TNFRSF21: variants seen among roughly 807,000 people sequenced by gnomAD.
TNFRSF21 encodes the protein tumor necrosis factor receptor superfamily member 21.
TNFRSF21 carries 19 observed loss-of-function variants against 45.6 expected under a neutral mutation model. The ratio of observed to expected loss-of-function variants is 0.42; its 90% CI spans 0.29 to 0.61. The LOEUF (loss-of-function observed/expected upper bound fraction) is 0.61, where lower values mean the gene tolerates loss of function less well. TNFRSF21 is among the 20% of genes least tolerant of loss of function. The pLI is 0.23. For missense variants in TNFRSF21, 737 were observed against 851.5 expected, an observed-to-expected ratio of 0.87 and a Z score of 1.67; for synonymous variants, 314 against 335.5, an observed-to-expected ratio of 0.94 and a Z score of 0.70.
intron 1 of TNFRSF21, among the ~76,000 whole-genome samples, chr6:47,289,579 T>C (rs1425418650): frequency 6.6e-6 from 1 of 152,194 alleles, no homozygotes. Context: ...CCTTATCCCT[T>C]CTGACTTTAC....
chr6:47,238,774 AC>A (rs1764701902), intron 4 of TNFRSF21, among the ~76,000 whole-genome samples: 1 of 152,218 alleles, frequency 6.6e-6, no homozygotes, highest in Non-Finnish European at 1.5e-5. Context: ...TAAACAGACT[AC>A]TGCTTTGGGA....
rs199995846 is a variant in TNFRSF21, at chr6:47,283,906, C to T, written c.1243+32G>A. ...ACTAGGGAAAAAGTGGTAGAGAGAT[C>T]TGTGAGCAAGGAGAGAAGAGAGAAG... On this transcript the variant is annotated intron_variant, in intron 3 of 5. Coordinates refer to ENST00000296861, the MANE Select transcript of TNFRSF21 (RefSeq NM_014452.5). The T allele has an allele frequency of 2.7e-4, 425 of 1,590,110 alleles. 4 individuals are homozygous for T. In the South Asian group the frequency reaches 4.7e-3, roughly 18 times the overall value.
At chr6:47,299,276 A>G (rs1424287454) in intron 1 of TNFRSF21, among the ~76,000 whole-genome samples, 1 of 152,164 alleles carries the variant, frequency 6.6e-6, no homozygotes, top group Non-Finnish European at 1.5e-5. Context: ...GGATCACTTG[A>G]GGTCAGGAGT....
intron 3 of TNFRSF21, among the ~76,000 whole-genome samples, chr6:47,272,766 T>A (rs927328226): frequency 6.6e-6 from 1 of 151,894 alleles, no homozygotes; most frequent in Non-Finnish European, 1.5e-5. Context: ...GGTAGACCAT[T>A]AGCAAGACTA....
At chr6:47,285,911 T>G in intron 2 of TNFRSF21, 33 bp downstream of exon 2, 1 of 1,602,214 alleles carries the variant, frequency 6.2e-7, no homozygotes, top group Non-Finnish European at 8.5e-7. Flanking sequence ...CTCAAAGCCT[T>G]CCTCAAATAA....
At chr6:47,298,670 G>A (rs944973946) in intron 1 of TNFRSF21, among the ~76,000 whole-genome samples, 2 of 152,152 alleles carry the variant, frequency 1.3e-5, no homozygotes, top group Admixed American at 6.5e-5. Context: ...CAACCTCTTA[G>A]GTATTGCCTA....
rs191971940 is a variant in TNFRSF21, at chr6:47,232,525, G to A, written c.*240C>T. The A allele has an allele frequency of 4.6e-4, 224 of 484,866 alleles. 4 individuals are homozygous for A. The East Asian group carries it at 7.6e-3, about 16-fold the overall frequency. The allele number at this position is 484,866 out of a possible 1,614,324, so 30.0% of individuals were successfully genotyped here. ...TGGGTATTTCACAACAGTTACACCT[G>A]GCAAAGGCTTATAAACCAACTTCCC... On this transcript the variant is annotated 3_prime_UTR_variant, in exon 6 of 6. Coordinates refer to ENST00000296861, the MANE Select transcript of TNFRSF21 (RefSeq NM_014452.5).
At chr6:47,308,520 AGGG>A (rs1418613471) in intron 1 of TNFRSF21, among the ~76,000 whole-genome samples, 2 of 152,180 alleles carry the variant, frequency 1.3e-5, no homozygotes, top group African/African-American at 2.4e-5. Context: ...AAATAAAGGG[AGGG>A]AATTTGGGGG....
intron 1 of TNFRSF21, among the ~76,000 whole-genome samples, chr6:47,306,002 G>A (rs1762935599): frequency 6.6e-6 from 1 of 152,122 alleles, no homozygotes; most frequent in Non-Finnish European, 1.5e-5. Context: ...ATATAGCAAG[G>A]GTAAGTGTCT....
At chr6:47,278,463 G>C (rs1322009602) in intron 3 of TNFRSF21, among the ~76,000 whole-genome samples, 1 of 152,152 alleles carries the variant, frequency 6.6e-6, no homozygotes, top group Non-Finnish European at 1.5e-5. Context: ...GATGTGGCTG[G>C]TGCAACTGAG....
At chr6:47,247,488 T>C (rs111588712) in intron 4 of TNFRSF21, among the ~76,000 whole-genome samples, 12,585 of 152,226 alleles carry the variant, frequency 0.083, 779 homozygotes, top group African/African-American at 0.17. Context: ...AGCCAAAAAG[T>C]CAACAGTTAA....
intron 1 of TNFRSF21, among the ~76,000 whole-genome samples, chr6:47,292,462 T>G (rs549434476): frequency 6.6e-6 from 1 of 152,238 alleles, no homozygotes; most frequent in South Asian, 2.1e-4. Flanking sequence ...GTTTTAGCTT[T>G]GGTTCATTTT....
intron 1 of TNFRSF21, among the ~76,000 whole-genome samples, chr6:47,287,307 CAAAAAAAAAAAAAAA>C (rs1164380285): frequency 4.8e-5 from 1 of 20,874 alleles, no homozygotes; most frequent in Non-Finnish European, 1.1e-4. Flanking sequence ...AACTCTTTCT[CAAAAAAAAAAAAAAA>C]AAAAAAAAAA....
chr6:47,248,467 G>T (rs961968713), intron 4 of TNFRSF21, among the ~76,000 whole-genome samples: 1 of 151,912 alleles, frequency 6.6e-6, no homozygotes, highest in African/African-American at 2.4e-5. Flanking sequence ...ACATACAAAG[G>T]CTCTAAAATA....
At chr6:47,289,203 CT>C (rs1762688300) in intron 1 of TNFRSF21, among the ~76,000 whole-genome samples, 1 of 152,190 alleles carries the variant, frequency 6.6e-6, no homozygotes, top group Non-Finnish European at 1.5e-5. Flanking sequence ...CAAATTCCTT[CT>C]AAATTGGCTG....
At chr6:47,279,856 C>T (rs1309350585) in intron 3 of TNFRSF21, among the ~76,000 whole-genome samples, 1 of 152,120 alleles carries the variant, frequency 6.6e-6, no homozygotes, top group African/African-American at 2.4e-5. Context: ...CAAACATATA[C>T]CAACATTTAC....
chr6:47,303,733 T>C (rs1762903666), intron 1 of TNFRSF21, among the ~76,000 whole-genome samples: 1 of 152,152 alleles, frequency 6.6e-6, no homozygotes, highest in African/African-American at 2.4e-5. Context: ...AGGCTAGAAA[T>C]GAAGGTGGTA....
chr6:47,272,666 A>G (rs1425554671), intron 3 of TNFRSF21, among the ~76,000 whole-genome samples: 1 of 152,228 alleles, frequency 6.6e-6, no homozygotes, highest in Non-Finnish European at 1.5e-5. Flanking sequence ...AAGCAAAATC[A>G]GAGCAGAACT....
chr6:47,277,438 T>C (rs530393837), intron 3 of TNFRSF21, among the ~76,000 whole-genome samples: 1 of 152,320 alleles, frequency 6.6e-6, no homozygotes, highest in African/African-American at 2.4e-5. Context: ...CTCTGCATCA[T>C]CTCCAGCGTT....
Sources: gnomAD v4.1 joint callset for allele counts (sites outside exome capture counted in the v4.1 genomes callset) on GRCh38, gnomAD v4.1.1 for gene constraint, MANE v1.5 for transcripts, NCBI Gene and HGNC (gene_info 2026-07-23, HGNC 2026-07-21) for gene names.